Variants in PPARA observed in about 807,000 individuals in gnomAD.
The protein encoded by PPARA is peroxisome proliferator activated receptor alpha.
PPARA carries 22 observed loss-of-function variants against 42.2 expected under a neutral mutation model. The ratio of observed to expected loss-of-function variants is 0.52; its 90% CI spans 0.37 to 0.74. The LOEUF (loss-of-function observed/expected upper bound fraction) is 0.74, where lower values mean the gene tolerates loss of function less well. Among genes scored for constraint, PPARA ranks in the 30% least tolerant of loss-of-function variants. The pLI is 0.00. For missense variants in PPARA, 465 were observed against 608.2 expected, an observed-to-expected ratio of 0.76 and a Z score of 2.48; for synonymous variants, 242 against 239.3, an observed-to-expected ratio of 1.01 and a Z score of -0.10.
intron 4 of PPARA, among the ~76,000 whole-genome samples, chr22:46,202,505 G>T (rs1032814653): frequency 1.3e-5 from 2 of 151,916 alleles, no homozygotes; most frequent in Non-Finnish European, 2.9e-5. Context: ...GGGAGGTCGA[G>T]GCGGGTGGAT....
At position 46,161,478 on chromosome 22, in the gene PPARA, C is replaced by T. The variant is rs570900239; in HGVS notation, c.-127+9508C>T. Among the ~76,000 whole-genome samples the T allele has an allele frequency of 1.8e-4, 27 of 152,200 alleles. No homozygotes were observed. The highest frequency in any genetic ancestry group is 6.0e-4 in the African/African-American group (25 of 41,524). On this transcript the variant is annotated intron_variant, in intron 2 of 8. Coordinates refer to ENST00000407236, the MANE Select transcript of PPARA (RefSeq NM_005036.6). This position sits in a 1 kb window ranked among gnomAD's most constrained non-coding sequence, Gnocchi z 4.8. ...TGGTATGGCTGTAGTCCCAGCTACT[C>T]GGGAGGCTGAGGCAGGAGAATCACT...
At chr22:46,164,420 T>G (rs1392702051) in intron 2 of PPARA, 1 of 152,028 alleles carries the variant, frequency 6.6e-6, no homozygotes, top group East Asian at 1.9e-4. Context: ...GCCTTGCTAA[T>G]TTTTGTATTT....
rs1047935616 is a variant in PPARA at position 46,182,162 on chromosome 22, G to A, written c.-43+5326G>A. Among the ~76,000 whole-genome samples the A allele has an allele frequency of 1.3e-5, 2 of 152,164 alleles. No homozygotes were observed. The highest frequency in any genetic ancestry group is 1.3e-4 in the Admixed American group (2 of 15,276). On this transcript the variant is annotated intron_variant, in intron 3 of 8. Coordinates refer to ENST00000407236, the MANE Select transcript of PPARA (RefSeq NM_005036.6). This position sits in a 1 kb window ranked among gnomAD's most constrained non-coding sequence, Gnocchi z 5.2. ...TGCCCAGCCAGCAGTTTCTTATAAA[G>A]TTAAACCAATGCCTACCATGAGATC...
chr22:46,215,086 T>C (rs1405351745), intron 4 of PPARA, 87 bp from the exon 5 acceptor site: 2 of 1,524,672 alleles, frequency 1.3e-6, no homozygotes, highest in Non-Finnish European at 9.1e-7. Context: ...AGAAGCCTCG[T>C]ATGCGAAATC....
rs1443873691 is a variant in PPARA, at chr22:46,203,617, G to A, written c.208+5026G>A. ...GACACGTTGAAGGGTGAGGAGAGCA[G>A]TATTGGGCGAAAAGGAAAAAAGAAA... On this transcript the variant is annotated intron_variant, in intron 4 of 8. Coordinates refer to ENST00000407236, the MANE Select transcript of PPARA (RefSeq NM_005036.6). The surrounding 1 kb of genome is among the most constrained non-coding windows in gnomAD (Gnocchi z 5.8). 6.6e-6 allele frequency among the ~76,000 whole-genome samples: 1 copy of A among 152,204 alleles called. No individual in the cohort carries two copies. Among genetic ancestry groups the A allele is most frequent in the Non-Finnish European group, 1.5e-5 (1 of 68,036 alleles).
In PPARA at chr22:46,222,520, G is replaced by A. The variant is rs1055689629; in HGVS notation, c.711+2506G>A. ...CTTCAGTGAATTCTCCAATTAAATA[G>A]GCCGAGACATTTTAGAAGTTTCCAG... On this transcript the variant is annotated intron_variant, in intron 7 of 8. Transcript: ENST00000407236. The surrounding 1 kb of genome is among the most constrained non-coding windows in gnomAD (Gnocchi z 5.9). Among the ~76,000 whole-genome samples, 2 of 152,094 alleles carry A rather than the reference G, an allele frequency of 1.3e-5. No individual in the cohort carries two copies. The highest frequency in any genetic ancestry group is 1.3e-4 in the Admixed American group (2 of 15,268).
At position 46,225,456 on chromosome 22, in the gene PPARA, G is replaced by A. The variant is rs138528448; in HGVS notation, c.711+5442G>A. 6.6e-6 allele frequency among the ~76,000 whole-genome samples: 1 copy of A among 152,080 alleles called. No homozygotes were observed. The highest frequency in any genetic ancestry group is 1.5e-5 in the Non-Finnish European group (1 of 67,990). ...AAGCAACAGAAAATGAGACTGAGGG[G>A]CTTGGGCAGAGTCAGTGCCTTCTGT... On this transcript the variant is annotated intron_variant, in intron 7 of 8. Coordinates refer to ENST00000407236, the MANE Select transcript of PPARA (RefSeq NM_005036.6). This position sits in a 1 kb window ranked among gnomAD's most constrained non-coding sequence, Gnocchi z 4.1.
At chr22:46,215,738 A>C (rs1203548494) in intron 5 of PPARA, among the ~76,000 whole-genome samples, 5 of 141,630 alleles carry the variant, frequency 3.5e-5, no homozygotes, top group Non-Finnish European at 7.7e-5. Flanking sequence ...GTGAGACTCC[A>C]TCTTAAAAAA....
intron 2 of PPARA, among the ~76,000 whole-genome samples, chr22:46,157,528 C>T (rs566847231): frequency 4.5e-4 from 69 of 152,234 alleles, no homozygotes; most frequent in African/African-American, 1.6e-3. Context: ...TGAGGGCTGC[C>T]GCTGAAAGGG....
rs543649693 is a variant in PPARA, at chr22:46,199,958, G to A, written c.208+1367G>A. ...GGCTGGTCTCAAACTCCTGACGTCA[G>A]GTGGTCCGCCTGCCTCAGCCTCCCA... On this transcript the variant is annotated intron_variant, in intron 4 of 8. Coordinates refer to ENST00000407236, the MANE Select transcript of PPARA (RefSeq NM_005036.6). Among the ~76,000 whole-genome samples the A allele has an allele frequency of 2.8e-4, 42 of 152,232 alleles. 1 individual carries two copies. Among genetic ancestry groups the A allele is most frequent in the African/African-American group, 9.9e-4 (41 of 41,564 alleles).
rs1442022410 is a variant in PPARA, at chr22:46,219,565, A to G, written c.509-247A>G. Among the ~76,000 whole-genome samples, 2 of 152,120 alleles carry G rather than the reference A, an allele frequency of 1.3e-5. No individual in the cohort carries two copies. On this transcript the variant is annotated intron_variant, in intron 6 of 8. Coordinates refer to ENST00000407236, the MANE Select transcript of PPARA (RefSeq NM_005036.6). The surrounding 1 kb of genome is among the most constrained non-coding windows in gnomAD (Gnocchi z 4.8). ...TACTAATGAGACGAACGATGGTGTC[A>G]CCTTCAGCCTGCACCTGTTAACGAT...
At position 46,203,095 on chromosome 22, in the gene PPARA, G is replaced by A. The variant is rs913100173; in HGVS notation, c.208+4504G>A. On this transcript the variant is annotated intron_variant, in intron 4 of 8. Coordinates refer to ENST00000407236, the MANE Select transcript of PPARA (RefSeq NM_005036.6). The surrounding 1 kb of genome is among the most constrained non-coding windows in gnomAD (Gnocchi z 5.8). ...ATTTCCCCCTCAGCATTTCCTCACT[G>A]TTATTCATACATGTGGTCATTTGTA... Among the ~76,000 whole-genome samples the A allele has an allele frequency of 6.6e-6, 1 of 152,074 alleles. No homozygotes were observed. The highest frequency in any genetic ancestry group is 6.5e-5 in the Admixed American group (1 of 15,270).
Position 46,235,749 on chromosome 22 carries a change from C to T in PPARA, c.*369C>T. ...AATTCGTGGCCTGTCTTCCCATTCA[C>T]CCCGCTTTTGACTATTGTGCTCCTT... is the stretch of plus-strand genomic sequence containing the variant. On this transcript the variant is annotated 3_prime_UTR_variant, in exon 9 of 9. Transcript: ENST00000407236. This position sits in a 1 kb window ranked among gnomAD's most constrained non-coding sequence, Gnocchi z 7.0. The T allele has an allele frequency of 3.0e-6, 1 of 328,518 alleles. No individual in the cohort carries two copies. Among genetic ancestry groups the T allele is most frequent in the Non-Finnish European group, 5.9e-6 (1 of 170,048 alleles). 20.4% of individuals were successfully genotyped at this position (328,518 alleles called of 1,614,324 possible).
In PPARA at chr22:46,156,481, A is replaced by G. The variant is rs1237183043; in HGVS notation, c.-127+4511A>G. On this transcript the variant is annotated intron_variant, in intron 2 of 8. Coordinates refer to ENST00000407236, the MANE Select transcript of PPARA (RefSeq NM_005036.6). This position sits in a 1 kb window ranked among gnomAD's most constrained non-coding sequence, Gnocchi z 5.2. ...CACTGTGGCCATTTTAGGATTTTTC[A>G]AAGGCTTTCAGAAAGCAACATGCTA... The G allele has an allele frequency of 1.3e-5, 2 of 152,206 alleles. No homozygotes were observed. Among genetic ancestry groups the G allele is most frequent in the African/African-American group, 4.8e-5 (2 of 41,450 alleles). The allele number at this position is 152,206 out of a possible 1,614,324, so 9.4% of individuals were successfully genotyped here. A position where few individuals can be genotyped will look rare whatever the true frequency, so the allele number is the denominator to read the frequency against.
intron 4 of PPARA, among the ~76,000 whole-genome samples, chr22:46,207,674 A>ATTTTTTTTTTTTTTTT (rs1370055842): frequency 4.9e-5 from 3 of 61,728 alleles, no homozygotes; most frequent in Non-Finnish European, 9.0e-5. Context: ...TATTATTATT[A>ATTTTTTTTTTTTTTTT]TTATTTTTTT....
At position 46,167,645 on chromosome 22, in the gene PPARA, G is replaced by A. The variant is rs190365596; in HGVS notation, c.-126-9108G>A. On this transcript the variant is annotated intron_variant, in intron 2 of 8. Transcript: ENST00000407236. This position sits in a 1 kb window ranked among gnomAD's most constrained non-coding sequence, Gnocchi z 4.1. ...CTCCAGACTGGGTGACAGAGAGACC[G>A]TGTGTTAAAAAAAGAGTTAAAACTA... Among the ~76,000 whole-genome samples the A allele has an allele frequency of 5.9e-5, 9 of 151,988 alleles. No homozygotes were observed. Among genetic ancestry groups the A allele is most frequent in the East Asian group, 1.9e-4 (1 of 5,154 alleles).
rs1930994051 is a variant in PPARA, at chr22:46,187,600, A to C, written c.-42-10742A>C. Among the ~76,000 whole-genome samples, 2 of 152,216 alleles carry C rather than the reference A, an allele frequency of 1.3e-5. No homozygotes were observed. The highest frequency in any genetic ancestry group is 4.1e-4 in the South Asian group (2 of 4,832). ...CTGGATTCCTTCTTGCCATCAAGACAATCCTGATACAAATCTGATCACGTC... is the reference window on the plus strand; with the variant it reads ...CTGGATTCCTTCTTGCCATCAAGACCATCCTGATACAAATCTGATCACGTC... On this transcript the variant is annotated intron_variant, in intron 3 of 8. Transcript: ENST00000407236. This position sits in a 1 kb window ranked among gnomAD's most constrained non-coding sequence, Gnocchi z 4.9.
rs1471782212 is a variant in PPARA at position 46,188,726 on chromosome 22, C to G, written c.-42-9616C>G. ...CTTGTTTTCCTTCCCGTGCCAGTGC[C>G]ACACCCCCCTGTCCCAGTGCACTGG... On this transcript the variant is annotated intron_variant, in intron 3 of 8. Transcript: ENST00000407236. This position sits in a 1 kb window ranked among gnomAD's most constrained non-coding sequence, Gnocchi z 5.0. 5 of 152,190 alleles carry G rather than the reference C, an allele frequency of 3.3e-5. No homozygotes were observed. Among genetic ancestry groups the G allele is most frequent in the African/African-American group, 1.2e-4 (5 of 41,424 alleles). 9.4% of individuals were successfully genotyped at this position (152,190 alleles called of 1,614,324 possible).
In PPARA at chr22:46,193,968, C is replaced by T. The variant is rs979271325; in HGVS notation, c.-42-4374C>T. On this transcript the variant is annotated intron_variant, in intron 3 of 8. Transcript: ENST00000407236. The surrounding 1 kb of genome is among the most constrained non-coding windows in gnomAD (Gnocchi z 5.3). ...TCACTCTTCTCGATTAGCTGGACAG[C>T]GGCATGTCATGTGGGTAATAGGAAG... is the stretch of plus-strand genomic sequence containing the variant. 2.6e-5 allele frequency among the ~76,000 whole-genome samples: 4 copies of T among 152,176 alleles called. No homozygotes were observed. The highest frequency in any genetic ancestry group is 4.4e-5 in the Non-Finnish European group (3 of 68,040).
Sources: gnomAD v4.1 joint callset for allele counts (sites outside exome capture counted in the v4.1 genomes callset) on GRCh38, gnomAD v4.1.1 for gene constraint, Gnocchi (gnomAD v3.1) non-coding constraint, MANE v1.5 for transcripts, NCBI Gene and HGNC (gene_info 2026-07-23, HGNC 2026-07-21) for gene names.